The following APP variants were observed in gnomAD, a reference collection of about 807,000 sequenced individuals.
The protein encoded by APP is amyloid beta precursor protein.
In APP, 31 loss-of-function variants were observed where a neutral mutation model predicts 101.4. That is an observed-to-expected ratio of 0.31 (90% confidence interval 0.23 to 0.41). The LOEUF (loss-of-function observed/expected upper bound fraction) is 0.41. Ranked by LOEUF, APP falls within the 10% of genes least tolerant of loss-of-function variation. The pLI is 1.00. For missense variants in APP, 839 were observed against 1,003.7 expected (o/e 0.84, Z 2.22); for synonymous variants, 366 against 364.4 (o/e 1.00, Z -0.05).
At chr21:25,987,288 A>G (rs1213020306) in intron 8 of APP, among the ~76,000 whole-genome samples, 1 of 152,168 alleles carries the variant, frequency 6.6e-6, no homozygotes, top group African/African-American at 2.4e-5. Context: ...CTGCTCACTC[A>G]TGCCTTCTGC....
At chr21:25,972,613 T>A (rs538364172) in intron 11 of APP, among the ~76,000 whole-genome samples, 2 of 139,502 alleles carry the variant, frequency 1.4e-5, no homozygotes, top group East Asian at 4.3e-4. Flanking sequence ...CACAGCTCAC[T>A]GCAGTCTCGA....
At chr21:26,155,847 C>T (rs1452867747) in intron 1 of APP, among the ~76,000 whole-genome samples, 1 of 151,846 alleles carries the variant, frequency 6.6e-6, no homozygotes, top group Non-Finnish European at 1.5e-5. Context: ...TACAAAAAAA[C>T]GTAGCTGGGA....
intron 1 of APP, among the ~76,000 whole-genome samples, chr21:26,117,795 A>C (rs144907190): frequency 6.6e-6 from 1 of 152,224 alleles, no homozygotes; most frequent in African/African-American, 2.4e-5. Flanking sequence ...GAGTTGCCAC[A>C]TCTATTCACA....
At chr21:26,165,776 G>T (rs556207105) in intron 1 of APP, among the ~76,000 whole-genome samples, 1 of 152,112 alleles carries the variant, frequency 6.6e-6, no homozygotes, top group Non-Finnish European at 1.5e-5. Flanking sequence ...TAAATAAAAT[G>T]ATCTCTTAGG....
At chr21:26,097,034 C>G (rs779672280) in intron 2 of APP, among the ~76,000 whole-genome samples, 3 of 152,136 alleles carry the variant, frequency 2.0e-5, no homozygotes, top group Non-Finnish European at 4.4e-5. Context: ...GATGCCTTGT[C>G]CCCTTCAATA....
At chr21:26,052,475 A>G (rs562215651) in intron 4 of APP, among the ~76,000 whole-genome samples, 2 of 152,074 alleles carry the variant, frequency 1.3e-5, no homozygotes, top group Admixed American at 6.5e-5. Flanking sequence ...ATAAACCTAT[A>G]TAAATTTATT....
chr21:26,007,122 T>C (rs1338672276), intron 6 of APP, among the ~76,000 whole-genome samples: 1 of 151,938 alleles, frequency 6.6e-6, no homozygotes, highest in Non-Finnish European at 1.5e-5. Flanking sequence ...CAAGAATATC[T>C]ACTTAAACTT....
chr21:26,087,992 G>A (rs1397644352), intron 3 of APP, among the ~76,000 whole-genome samples: 1 of 152,000 alleles, frequency 6.6e-6, no homozygotes, highest in Non-Finnish European at 1.5e-5. Flanking sequence ...TTCACTTGGA[G>A]GTTTTTTTGT....
chr21:26,048,417 A>C (rs888297808), intron 5 of APP, among the ~76,000 whole-genome samples: 5 of 148,696 alleles, frequency 3.4e-5, no homozygotes, highest in Non-Finnish European at 7.4e-5. Context: ...GGGCCTATAG[A>C]AAAAAAAAGG....
chr21:25,947,184 G>A (rs1205643037), intron 13 of APP, among the ~76,000 whole-genome samples: 1 of 152,186 alleles, frequency 6.6e-6, no homozygotes, highest in Non-Finnish European at 1.5e-5. Flanking sequence ...TCATCTGGAT[G>A]ACATATGCAC....
chr21:25,956,388 A>T (rs1031078275), intron 11 of APP, among the ~76,000 whole-genome samples: 1 of 152,196 alleles, frequency 6.6e-6, no homozygotes, highest in Non-Finnish European at 1.5e-5. Flanking sequence ...ATTTCGTCTT[A>T]AGTGCTCCTA....
At chr21:26,041,974 C>T (rs1481429806) in intron 5 of APP, among the ~76,000 whole-genome samples, 2 of 152,044 alleles carry the variant, frequency 1.3e-5, no homozygotes, top group Non-Finnish European at 2.9e-5. Flanking sequence ...TCACACAGTC[C>T]TGGAAGCTGC....
At chr21:26,161,101 G>C (rs1168526867) in intron 1 of APP, among the ~76,000 whole-genome samples, 2 of 152,236 alleles carry the variant, frequency 1.3e-5, no homozygotes, top group East Asian at 1.9e-4. Context: ...AATTTCTAGA[G>C]AACTCATTTA....
chr21:25,976,062 A>G (rs200262429), intron 9 of APP, 34 bp from the exon 10 acceptor site: 131 of 1,532,916 alleles, frequency 8.5e-5, no homozygotes, highest in Non-Finnish European at 1.2e-4. Flanking sequence ...ATTTAAAATC[A>G]TCAGTTCATC....
chr21:26,060,581 T>C (rs543408794), intron 3 of APP, among the ~76,000 whole-genome samples: 1 of 152,286 alleles, frequency 6.6e-6, no homozygotes, highest in South Asian at 2.1e-4. Flanking sequence ...CAGTGTCTGT[T>C]GGATGGTAAT....
chr21:25,994,952 T>C (rs1398143306), intron 8 of APP, among the ~76,000 whole-genome samples: 1 of 152,210 alleles, frequency 6.6e-6, no homozygotes, highest in Non-Finnish European at 1.5e-5. Flanking sequence ...TGTGATTGAA[T>C]AGTCTCTGTA....
rs185875081 is a variant in APP, at chr21:25,984,074, G to C, written c.1091-1597C>G. Among the ~76,000 whole-genome samples the C allele has an allele frequency of 1.9e-3, 293 of 152,258 alleles. 2 individuals are homozygous for C. Among genetic ancestry groups the C allele is most frequent in the African/African-American group, 6.7e-3 (280 of 41,550 alleles). ...CCACATGTAAGTCATCCGGCAGAGA[G>C]GGTGACACACAGTGGAGCTCATACA... is the stretch of plus-strand genomic sequence containing the variant. On this transcript the variant is annotated intron_variant, in intron 8 of 17. Coordinates refer to ENST00000346798, the MANE Select transcript of APP (RefSeq NM_000484.4).
At chr21:26,105,394 GA>G (rs1414015552) in intron 2 of APP, among the ~76,000 whole-genome samples, 3 of 152,018 alleles carry the variant, frequency 2.0e-5, no homozygotes, top group Non-Finnish European at 4.4e-5. Flanking sequence ...TTATAACTTT[GA>G]AAATATAAAA....
At chr21:25,892,687 T>C (rs529094251) in intron 16 of APP, among the ~76,000 whole-genome samples, 94 of 152,332 alleles carry the variant, frequency 6.2e-4, no homozygotes, top group Middle Eastern at 3.4e-3. Flanking sequence ...TTTGAGAACA[T>C]TGTAAAGAAG....
Sources: allele counts gnomAD v4.1 joint callset (sites outside exome capture counted in the v4.1 genomes callset), GRCh38; gene constraint gnomAD v4.1.1; transcripts MANE v1.5; gene names NCBI Gene and HGNC (gene_info 2026-07-23, HGNC 2026-07-21).